UBE3C: variants seen among roughly 807,000 people sequenced by gnomAD.
UBE3C encodes the protein ubiquitin-protein ligase E3C.
UBE3C carries 42 observed loss-of-function variants against 129.4 expected under a neutral mutation model. That is an observed-to-expected ratio of 0.32 (90% CI 0.25 to 0.42). The LOEUF (loss-of-function observed/expected upper bound fraction) is 0.42. UBE3C is among the 10% of genes least tolerant of loss of function. The pLI is 1.00. For missense variants in UBE3C, 1,049 were observed against 1,319.1 expected, an observed-to-expected ratio of 0.80 and a Z score of 3.17; for synonymous variants, 510 against 492.4, an observed-to-expected ratio of 1.04 and a Z score of -0.47.
intron 1 of UBE3C, among the ~76,000 whole-genome samples, chr7:157,149,350 C>G (rs1334926885): frequency 6.6e-6 from 1 of 152,178 alleles, no homozygotes. Flanking sequence ...GCCACTATGC[C>G]TGGCCAGGAA....
chr7:157,181,677 A>G lies in UBE3C; in HGVS notation c.770+6A>G, dbSNP rs2116922130. 1 of 1,611,882 alleles carries G rather than the reference A, an allele frequency of 6.2e-7. No individual in the cohort carries two copies. The highest frequency in any genetic ancestry group is 2.2e-5 in the East Asian group (1 of 44,790). On this transcript the variant is annotated splice_donor_region_variant and intron_variant, in intron 7 of 22. Transcript: ENST00000348165. The stretch of plus-strand genomic sequence containing the variant: ...TCCTGTCCGGAAGGTGCGAGGTGAG[A>G]CTGGAATGGATTTATTGATTTTGTC...
intron 1 of UBE3C, among the ~76,000 whole-genome samples, chr7:157,163,497 A>G (rs1178430679): frequency 6.6e-6 from 1 of 151,976 alleles, no homozygotes; most frequent in East Asian, 1.9e-4. Flanking sequence ...CACAGCTAGA[A>G]CTCTGACATT....
Position 157,225,510 on chromosome 7 carries a change from A to G in UBE3C, c.2204A>G (p.Asp735Gly), listed in dbSNP as rs1795851664. 1.3e-6 allele frequency: 2 copies of G among 1,597,098 alleles called. No homozygotes were observed. The highest frequency in any genetic ancestry group is 1.7e-6 in the Non-Finnish European group (2 of 1,175,692). The change falls in exon 17 of 23, where the codon GAT (aspartate) becomes GGT (glycine). Residue 735 changes from aspartate to glycine, a missense_variant. By Grantham distance (94) the Asp-to-Gly change is moderately conservative. Transcript: ENST00000348165. ...ATAAGAAGAAATTACATTTATGAAG[A>G]TGCTTATGACAAACTTTCTCCAGAA... ...VTIRRNYIYE[D>G]AYDKLSPENE...
At chr7:157,158,731 A>G (rs1436728589) in intron 1 of UBE3C, among the ~76,000 whole-genome samples, 1 of 152,234 alleles carries the variant, frequency 6.6e-6, no homozygotes, top group Non-Finnish European at 1.5e-5. Context: ...TTGCTTTGTC[A>G]GGCATGAGCT....
intron 4 of UBE3C, among the ~76,000 whole-genome samples, chr7:157,171,660 T>TTATATTTA (rs1808369648): frequency 1.5e-5 from 1 of 67,890 alleles, no homozygotes; most frequent in Non-Finnish European, 2.8e-5. Context: ...TTTAAATATT[T>TTATATTTA]TATATATATA....
At chr7:157,157,471 G>T (rs981827320) in intron 1 of UBE3C, among the ~76,000 whole-genome samples, 3 of 152,146 alleles carry the variant, frequency 2.0e-5, no homozygotes, top group Non-Finnish European at 4.4e-5. Context: ...CACTGTGCAG[G>T]TGAAGACAAG....
intron 16 of UBE3C, among the ~76,000 whole-genome samples, chr7:157,223,766 A>G (rs551333427): frequency 6.6e-6 from 1 of 152,248 alleles, no homozygotes; most frequent in African/African-American, 2.4e-5. Flanking sequence ...CAAAGAATAC[A>G]AAAGTTAGTT....
rs114103383 is a variant in UBE3C at position 157,204,505 on chromosome 7, A to G, written c.1418+2698A>G. Among the ~76,000 whole-genome samples, 196 of 152,218 alleles carry G rather than the reference A, an allele frequency of 1.3e-3. 1 individual carries two copies. Among genetic ancestry groups the G allele is most frequent in the African/African-American group, 4.7e-3 (195 of 41,544 alleles). On this transcript the variant is annotated intron_variant, in intron 11 of 22. Coordinates refer to ENST00000348165, the MANE Select transcript of UBE3C (RefSeq NM_014671.3). ...CAAGCTTATCAGGTAATCGAGGTAC[A>G]GATGGTTTGGGGGCCAACCGAGAAG...
intron 5 of UBE3C, 103 bp downstream of exon 5, chr7:157,175,137 C>CTGTTTTTTTTT (rs1808482265): frequency 4.4e-6 from 1 of 226,512 alleles, no homozygotes; most frequent in African/African-American, 4.3e-5. Context: ...CTTTTCCATA[C>CTGTTTTTTTTT]TTTTTTTTTT....
In UBE3C at chr7:157,216,866, G is replaced by T. The variant is rs1448409121; in HGVS notation, c.1810-1G>T. The T allele has an allele frequency of 1.9e-6, 3 of 1,613,132 alleles. No individual in the cohort carries two copies. The highest frequency in any genetic ancestry group is 1.1e-5 in the South Asian group (1 of 91,004). On this transcript the variant is annotated splice_acceptor_variant, in intron 13 of 22. Transcript: ENST00000348165. LOFTEE classifies it high-confidence loss of function. ...GACGCGGATATGTTCTTTCTTTTCA[G>T]GTTATCACCAATCTAGTGAAAATGT...
At chr7:157,160,893 A>G (rs138359890) in intron 1 of UBE3C, among the ~76,000 whole-genome samples, 146 of 152,294 alleles carry the variant, frequency 9.6e-4, no homozygotes, top group South Asian at 3.7e-3. Flanking sequence ...TATTGAGTCC[A>G]TGATGCGTGT....
At position 157,223,344 on chromosome 7, in the gene UBE3C, G is replaced by A. The variant is rs1360204065; in HGVS notation, c.2093G>A (p.Arg698Gln). The A allele has an allele frequency of 1.9e-6, 3 of 1,611,272 alleles. No individual in the cohort carries two copies. The highest frequency in any genetic ancestry group is 2.2e-5 in the East Asian group (1 of 44,872). Reference sequence around the variant, plus strand: ...CCTTTTGTGGTTCCATTTGAGGAACGAGTAAAGGTATGCAATTTGGCTTCT... The same window carrying A: ...CCTTTTGTGGTTCCATTTGAGGAACAAGTAAAGGTATGCAATTTGGCTTCT... ...ELPFVVPFEE[R>Q]VKIFQRLIYA... The change falls in exon 16 of 23, where the codon CGA becomes CAA. Residue 698 changes from arginine (R) to glutamine (Q), a missense_variant. Transcript: ENST00000348165.
intron 18 of UBE3C, among the ~76,000 whole-genome samples, chr7:157,244,212 C>T (rs1047240811): frequency 1.3e-5 from 2 of 151,882 alleles, no homozygotes; most frequent in Non-Finnish European, 2.9e-5. Context: ...CCAGCCTGGG[C>T]GATAGAGTGA....
rs1796019455 is a variant in UBE3C at position 157,231,448 on chromosome 7, A to G, written c.2481+121A>G. Reference sequence around the variant, plus strand: ...TGTTTGTTTTAAATTTGGATGCTAAATGTTGCAAAAGCACTGCACGAAACA... The same window carrying G: ...TGTTTGTTTTAAATTTGGATGCTAAGTGTTGCAAAAGCACTGCACGAAACA... On this transcript the variant is annotated intron_variant, in intron 18 of 22. Coordinates refer to ENST00000348165, the MANE Select transcript of UBE3C (RefSeq NM_014671.3). 4 of 1,461,816 alleles carry G rather than the reference A, an allele frequency of 2.7e-6. No individual in the cohort carries two copies. The South Asian group carries it at 4.0e-5, about 15-fold the overall frequency. 90.6% of individuals were successfully genotyped at this position (1,461,816 alleles called of 1,614,324 possible). A position where few individuals can be genotyped will look rare whatever the true frequency, so the allele number is the denominator to read the frequency against.
chr7:157,211,174 G>GAGAGAGAGAGAGAGAT (rs1809583559), intron 13 of UBE3C, among the ~76,000 whole-genome samples: 1 of 151,638 alleles, frequency 6.6e-6, no homozygotes, highest in African/African-American at 2.4e-5. Context: ...TCTGGAGAGA[G>GAGAGAGAGAGAGAGAT]AGAGAGAGAG....
chr7:157,200,246 TC>T (rs1394967737), intron 10 of UBE3C, among the ~76,000 whole-genome samples: 2 of 152,234 alleles, frequency 1.3e-5, no homozygotes, highest in Non-Finnish European at 1.5e-5. Context: ...TACTGTTTTT[TC>T]AGTGATGTAC....
chr7:157,234,754 A>C (rs1377679559), intron 18 of UBE3C, among the ~76,000 whole-genome samples: 2 of 152,248 alleles, frequency 1.3e-5, no homozygotes, highest in Admixed American at 6.5e-5. Flanking sequence ...GGCAGATTTC[A>C]GGTGTTGATT....
chr7:157,143,428 G>A (rs1807514216), intron 1 of UBE3C, among the ~76,000 whole-genome samples: 1 of 152,176 alleles, frequency 6.6e-6, no homozygotes, highest in African/African-American at 2.4e-5. Context: ...CAGATAGCAG[G>A]TATCACCACC....
At chr7:157,168,121 G>A (rs899607417) in intron 2 of UBE3C, among the ~76,000 whole-genome samples, 5 of 151,900 alleles carry the variant, frequency 3.3e-5, no homozygotes, top group African/African-American at 1.2e-4. Flanking sequence ...GGAGGCCAGG[G>A]CTGGAGGATC....
Sources: gnomAD v4.1 joint callset for allele counts (sites outside exome capture counted in the v4.1 genomes callset) on GRCh38, gnomAD v4.1.1 for gene constraint, MANE v1.5 for transcripts, NCBI Gene and HGNC (gene_info 2026-07-23, HGNC 2026-07-21) for gene names.